LRRC4C: variants seen among roughly 807,000 people sequenced by gnomAD.
LRRC4C encodes the protein leucine rich repeat containing 4C.
LRRC4C carries 5 observed loss-of-function variants against 33.6 expected under a neutral mutation model. That is an observed-to-expected ratio of 0.15 (90% CI 0.08 to 0.31). The LOEUF is 0.31. LRRC4C is among the 10% of genes least tolerant of loss of function. LRRC4C has a pLI of 1.00. For missense variants in LRRC4C, 560 were observed against 796.7 expected, an observed-to-expected ratio of 0.70 and a Z score of 3.58; for synonymous variants, 329 against 302.0, an observed-to-expected ratio of 1.09 and a Z score of -0.93.
intron 5 of LRRC4C, among the ~76,000 whole-genome samples, chr11:40,152,934 C>G (rs1858349323): frequency 6.6e-6 from 1 of 152,122 alleles, no homozygotes; most frequent in African/African-American, 2.4e-5. Context: ...CTCCACACTA[C>G]CACAGCTGCT....
intron 4 of LRRC4C, chr11:40,293,166 C>A (rs376073438): frequency 7.2e-6 from 1 of 139,332 alleles, no homozygotes; most frequent in Admixed American, 7.1e-5. Context: ...ACCGCCTCTG[C>A]AATTTCATAA....
At chr11:41,197,413 G>C (rs1946225814) in intron 1 of LRRC4C, among the ~76,000 whole-genome samples, 1 of 151,926 alleles carries the variant, frequency 6.6e-6, no homozygotes, top group African/African-American at 2.4e-5. Context: ...AAAAATAACT[G>C]TTGGGAAATA....
intron 2 of LRRC4C, among the ~76,000 whole-genome samples, chr11:40,922,061 T>A (rs1049819025): frequency 6.6e-6 from 1 of 152,202 alleles, no homozygotes; most frequent in Non-Finnish European, 1.5e-5. Flanking sequence ...CTTTGCAAAC[T>A]AATTTTGTAT....
chr11:41,195,756 G>T (rs1946152151), intron 1 of LRRC4C, among the ~76,000 whole-genome samples: 1 of 152,086 alleles, frequency 6.6e-6, no homozygotes, highest in Non-Finnish European at 1.5e-5. Flanking sequence ...AAGTGTAAAA[G>T]GAGCAAGTTT....
At chr11:40,253,660 T>A (rs1866966573) in intron 4 of LRRC4C, among the ~76,000 whole-genome samples, 1 of 152,198 alleles carries the variant, frequency 6.6e-6, no homozygotes, top group Non-Finnish European at 1.5e-5. Context: ...ATTTATGGAT[T>A]ACTAAACTTA....
chr11:40,424,521 A>T (rs1410022395), intron 3 of LRRC4C, among the ~76,000 whole-genome samples: 1 of 152,206 alleles, frequency 6.6e-6, no homozygotes, highest in East Asian at 1.9e-4. Context: ...AGTTTTTAAA[A>T]TATATTTTAA....
chr11:41,292,046 T>C (rs1950008107), intron 1 of LRRC4C, among the ~76,000 whole-genome samples: 2 of 152,136 alleles, frequency 1.3e-5, no homozygotes, highest in Non-Finnish European at 2.9e-5. Context: ...GAAGATTCTA[T>C]TTGATATAAA....
At chr11:40,990,934 A>G (rs1341365904) in intron 1 of LRRC4C, among the ~76,000 whole-genome samples, 2 of 152,106 alleles carry the variant, frequency 1.3e-5, no homozygotes, top group East Asian at 3.9e-4. Context: ...AAAAAATTGT[A>G]CAGTTGATTT....
intron 1 of LRRC4C, among the ~76,000 whole-genome samples, chr11:41,380,309 CA>C (rs912194231): frequency 2.6e-5 from 4 of 152,040 alleles, no homozygotes; most frequent in Non-Finnish European, 5.9e-5. Context: ...TCACTTTTGC[CA>C]GAGTGCACAT....
At position 40,721,688 on chromosome 11, in the gene LRRC4C, C is replaced by T. The variant is rs535391699; in HGVS notation, c.-406-73410G>A. On this transcript the variant is annotated intron_variant, in intron 2 of 6. Transcript: ENST00000528697. ...TGATTGGGCTGGGCGTGGTGGCTCA[C>T]GCCTGTAATCCCAGCACTTTGGGAA... Among the ~76,000 whole-genome samples, 81 of 152,312 alleles carry T rather than the reference C, an allele frequency of 5.3e-4. 1 individual carries two copies. In the Middle Eastern group the frequency reaches 0.01, roughly 19 times the overall value.
intron 2 of LRRC4C, among the ~76,000 whole-genome samples, chr11:40,738,552 G>T (rs1336575514): frequency 6.6e-6 from 1 of 151,950 alleles, no homozygotes; most frequent in Admixed American, 6.6e-5. Context: ...TCAACTATAT[G>T]CAAATAATAT....
chr11:40,794,413 G>A (rs1950746154), intron 2 of LRRC4C, among the ~76,000 whole-genome samples: 4 of 149,854 alleles, frequency 2.7e-5, no homozygotes, highest in South Asian at 4.2e-4. Flanking sequence ...TGGCGGACAG[G>A]GATCGGAGGA....
intron 3 of LRRC4C, among the ~76,000 whole-genome samples, chr11:40,477,578 T>G (rs904313821): frequency 1.3e-5 from 2 of 152,220 alleles, no homozygotes; most frequent in Non-Finnish European, 1.5e-5. Flanking sequence ...CTTACTCATT[T>G]GCTTATGTTT....
intron 3 of LRRC4C, among the ~76,000 whole-genome samples, chr11:40,528,679 T>C (rs1322131122): frequency 6.6e-6 from 1 of 152,114 alleles, no homozygotes; most frequent in Non-Finnish European, 1.5e-5. Context: ...TCAAAAAAGA[T>C]ATCTGTACTC....
intron 1 of LRRC4C, among the ~76,000 whole-genome samples, chr11:41,416,439 A>T (rs1256018327): frequency 6.6e-6 from 1 of 152,060 alleles, no homozygotes; most frequent in African/African-American, 2.4e-5. Context: ...CAAGAAAGGA[A>T]CATCAGGCCT....
chr11:41,014,322 C>T (rs976657718), intron 1 of LRRC4C, among the ~76,000 whole-genome samples: 2 of 151,896 alleles, frequency 1.3e-5, no homozygotes, highest in African/African-American at 4.8e-5. Flanking sequence ...GGTTATTGAC[C>T]TTGGCAGTAG....
intron 1 of LRRC4C, among the ~76,000 whole-genome samples, chr11:41,328,419 A>G (rs984236114): frequency 6.6e-6 from 1 of 151,944 alleles, no homozygotes; most frequent in African/African-American, 2.4e-5. Flanking sequence ...CTGAGTGTGT[A>G]TATGTGTGTG....
intron 4 of LRRC4C, among the ~76,000 whole-genome samples, chr11:40,299,514 T>C (rs999500717): frequency 6.6e-6 from 1 of 152,194 alleles, no homozygotes; most frequent in African/African-American, 2.4e-5. Context: ...ATATGTACAA[T>C]GACAAGATAC....
chr11:40,670,125 T>C lies in LRRC4C; in HGVS notation c.-406-21847A>G, dbSNP rs111624903. 4.5e-3 allele frequency among the ~76,000 whole-genome samples: 691 copies of C among 152,336 alleles called. 3 individuals are homozygous for C. The highest frequency in any genetic ancestry group is 7.4e-3 in the Non-Finnish European group (506 of 68,026). On this transcript the variant is annotated intron_variant, in intron 2 of 6. Transcript: ENST00000528697. The stretch of plus-strand genomic sequence containing the variant: ...TCTCCCAGAAAAAAATAGTAGTTAC[T>C]TCAAAATCAAACAAGGTGTGTTGTA...
Sources: allele counts gnomAD v4.1 joint callset (sites outside exome capture counted in the v4.1 genomes callset), GRCh38; gene constraint gnomAD v4.1.1; transcripts MANE v1.5; gene names NCBI Gene and HGNC (gene_info 2026-07-23, HGNC 2026-07-21).